The following THEMIS variants were observed in gnomAD, a reference collection of about 807,000 sequenced individuals.
THEMIS encodes thymocyte selection associated.
Under a neutral mutation model 52.6 loss-of-function variants are expected in THEMIS, and 37 were observed. That is an observed-to-expected ratio of 0.70 (90% CI 0.54 to 0.93). THEMIS has a LOEUF of 0.93. THEMIS is among the 40% of genes least tolerant of loss of function. The pLI is 0.00. For missense variants in THEMIS, 808 were observed against 763.1 expected (o/e 1.06, Z -0.69); for synonymous variants, 292 against 272.7 (o/e 1.07, Z -0.70).
chr6:127,712,730 T>C (rs1287527693), intron 5 of THEMIS, among the ~76,000 whole-genome samples: 1 of 151,926 alleles, frequency 6.6e-6, no homozygotes, highest in African/African-American at 2.4e-5. Context: ...TTTGCTTTTC[T>C]TTCTCAAAAA....
At chr6:127,739,937 T>C (rs967929741) in intron 4 of THEMIS, among the ~76,000 whole-genome samples, 4 of 152,154 alleles carry the variant, frequency 2.6e-5, no homozygotes, top group African/African-American at 9.7e-5. Flanking sequence ...GCGTGCACTG[T>C]TGAAGAGCAG....
chr6:127,744,310 A>C (rs748664317), intron 4 of THEMIS, among the ~76,000 whole-genome samples: 1 of 152,024 alleles, frequency 6.6e-6, no homozygotes, highest in Non-Finnish European at 1.5e-5. Flanking sequence ...GGCTCTTCAT[A>C]CTGCATCACC....
chr6:127,848,249 T>C (rs1490576880), intron 2 of THEMIS, among the ~76,000 whole-genome samples: 2 of 151,922 alleles, frequency 1.3e-5, no homozygotes, highest in Non-Finnish European at 2.9e-5. Flanking sequence ...ACAAAGGACA[T>C]GAACTCATCA....
intron 4 of THEMIS, among the ~76,000 whole-genome samples, chr6:127,744,981 A>G (rs1775337814): frequency 1.3e-5 from 2 of 151,966 alleles, no homozygotes; most frequent in Non-Finnish European, 2.9e-5. Flanking sequence ...CAAATGGTAT[A>G]CCTTAAATAT....
At chr6:127,816,891 G>A (rs1051010703) in intron 3 of THEMIS, among the ~76,000 whole-genome samples, 4 of 152,086 alleles carry the variant, frequency 2.6e-5, no homozygotes, top group African/African-American at 9.7e-5. Flanking sequence ...TCTTTGCACA[G>A]CCTGTTTCCT....
intron 4 of THEMIS, among the ~76,000 whole-genome samples, chr6:127,793,186 G>C (rs758215318): frequency 1.3e-5 from 2 of 152,204 alleles, no homozygotes; most frequent in Non-Finnish European, 2.9e-5. Flanking sequence ...AGAGAACAGG[G>C]ACAAGCTACA....
At chr6:127,716,225 T>C (rs1436810143) in intron 5 of THEMIS, among the ~76,000 whole-genome samples, 1 of 151,922 alleles carries the variant, frequency 6.6e-6, no homozygotes, top group East Asian at 1.9e-4. Flanking sequence ...AAGGTCATCC[T>C]TCCTGGCAGT....
chr6:127,729,672 C>T (rs553158527), intron 4 of THEMIS, among the ~76,000 whole-genome samples: 131 of 152,230 alleles, frequency 8.6e-4, no homozygotes, highest in Non-Finnish European at 1.4e-3. Context: ...ATGTATTCTC[C>T]GACTCTCCTC....
chr6:127,785,154 C>A (rs1407840426), intron 4 of THEMIS, among the ~76,000 whole-genome samples: 1 of 151,872 alleles, frequency 6.6e-6, no homozygotes, highest in Non-Finnish European at 1.5e-5. Context: ...CCTACCTAAT[C>A]TATTATCTAC....
chr6:127,916,261 T>C (rs1263912239), intron 1 of THEMIS, among the ~76,000 whole-genome samples: 1 of 151,912 alleles, frequency 6.6e-6, no homozygotes, highest in Admixed American at 6.6e-5. Flanking sequence ...TATGTATATG[T>C]ATATATGCAC....
chr6:127,829,102 T>C (rs190229137), intron 3 of THEMIS, among the ~76,000 whole-genome samples: 22 of 152,326 alleles, frequency 1.4e-4, no homozygotes, highest in African/African-American at 5.1e-4. Context: ...TTTACCTCTT[T>C]TGTTGACCAC....
intron 4 of THEMIS, among the ~76,000 whole-genome samples, chr6:127,744,161 A>G (rs1159457127): frequency 6.6e-6 from 1 of 152,016 alleles, no homozygotes; most frequent in East Asian, 1.9e-4. Context: ...GAGTCTGGCC[A>G]CTTTGTTCAG....
At chr6:127,713,767 A>G (rs1355020517) in intron 5 of THEMIS, among the ~76,000 whole-genome samples, 1 of 151,810 alleles carries the variant, frequency 6.6e-6, no homozygotes. Flanking sequence ...GGTTTTTGAG[A>G]AACAGCTATG....
In THEMIS at chr6:127,719,111, A is replaced by T. The variant is rs186188169; in HGVS notation, c.1894+577T>A. Among the ~76,000 whole-genome samples, 69 of 152,032 alleles carry T rather than the reference A, an allele frequency of 4.5e-4. No individual in the cohort carries two copies. The Middle Eastern group carries it at 0.014, about 30-fold the overall frequency. ...GGTGTGTCTAAAATATTGGCAAGAA[A>T]CAAACTTCTTATTTCCCTTGCTAGC... On this transcript the variant is annotated intron_variant, in intron 5 of 5. Transcript: ENST00000368248.
the THEMIS span, among the ~76,000 whole-genome samples, chr6:127,701,357 A>G: frequency 6.6e-6 from 1 of 152,066 alleles, no homozygotes; most frequent in Non-Finnish European, 1.5e-5. Flanking sequence ...AAGCTGTTGC[A>G]TTTTTGTGTA....
At chr6:127,836,158 G>T (rs933600890) in intron 2 of THEMIS, among the ~76,000 whole-genome samples, 3 of 152,086 alleles carry the variant, frequency 2.0e-5, no homozygotes, top group Non-Finnish European at 2.9e-5. Context: ...CTATTTTAAT[G>T]ATCTTAATTT....
intron 5 of THEMIS, among the ~76,000 whole-genome samples, chr6:127,713,857 T>C (rs1041124450): frequency 1.3e-4 from 20 of 151,876 alleles, no homozygotes; most frequent in African/African-American, 4.1e-4. Flanking sequence ...TTACACAATC[T>C]GGCTTAAGAT....
intron 1 of THEMIS, among the ~76,000 whole-genome samples, chr6:127,876,328 G>A (rs1343899007): frequency 6.6e-6 from 1 of 152,158 alleles, no homozygotes; most frequent in Admixed American, 6.5e-5. Context: ...TTGAGGTGCT[G>A]GGGTATTAGG....
At chr6:127,873,828 A>T (rs1164890474) in intron 1 of THEMIS, among the ~76,000 whole-genome samples, 1 of 152,218 alleles carries the variant, frequency 6.6e-6, no homozygotes, top group Non-Finnish European at 1.5e-5. Flanking sequence ...GCGAAAAGAA[A>T]ATGTCACTAA....
Sources: allele counts gnomAD v4.1 joint callset (sites outside exome capture counted in the v4.1 genomes callset), GRCh38; gene constraint gnomAD v4.1.1; transcripts MANE v1.5; gene names NCBI Gene and HGNC (gene_info 2026-07-23, HGNC 2026-07-21).